Variants in FRY observed in about 807,000 individuals in gnomAD.
FRY encodes the protein protein furry homolog.
Under a neutral mutation model 348.4 loss-of-function variants are expected in FRY, and 128 were observed. The observed-to-expected ratio is 0.37, with a 90% CI of 0.32 to 0.43. The LOEUF is 0.43. Among genes scored for constraint, FRY ranks in the 20% least tolerant of loss-of-function variants. The pLI is 1.00. For synonymous variants in FRY, 1,370 were observed against 1,374.7 expected, an observed-to-expected ratio of 1.00 and a Z score of 0.08; for missense variants, 2,736 against 3,695.2, an observed-to-expected ratio of 0.74 and a Z score of 6.73.
rs538843507 is a variant in FRY, at chr13:32,052,734, G to A, written c.70+20869G>A. On this transcript the variant is annotated intron_variant, in intron 1 of 60. Coordinates refer to ENST00000542859, the MANE Select transcript of FRY (RefSeq NM_023037.3). ...AAAGTACTTTCATATATGCAGATTT[G>A]TCCAAACATACTTAAAACATTTCCA... 6.6e-5 allele frequency among the ~76,000 whole-genome samples: 10 copies of A among 152,246 alleles called. No individual in the cohort carries two copies. The South Asian group carries it at 1.0e-3, about 16-fold the overall frequency.
At chr13:32,192,470 G>A (rs1014282492) in intron 28 of FRY, among the ~76,000 whole-genome samples, 8 of 151,862 alleles carry the variant, frequency 5.3e-5, no homozygotes, top group Admixed American at 1.3e-4. Flanking sequence ...CCGCCACCAC[G>A]CCTGGCTAAT....
chr13:32,207,771 G>A (rs989150793), intron 31 of FRY, among the ~76,000 whole-genome samples: 1 of 152,180 alleles, frequency 6.6e-6, no homozygotes, highest in African/African-American at 2.4e-5. Context: ...TAAAGCTGCT[G>A]TTTCAGAAGA....
intron 55 of FRY, among the ~76,000 whole-genome samples, chr13:32,273,253 TC>T (rs1200296211): frequency 6.8e-6 from 1 of 146,924 alleles, no homozygotes; most frequent in Non-Finnish European, 1.5e-5. Context: ...AGACGGAGTC[TC>T]GCTGTCGCCC....
chr13:32,124,550 G>A (rs1460252409), intron 5 of FRY, 52 bp from the exon 6 acceptor site: 10 of 1,077,418 alleles, frequency 9.3e-6, no homozygotes, highest in Admixed American at 8.6e-5. Flanking sequence ...GTACTGTACC[G>A]ATTTGTTCTT....
rs757783685 is a variant in FRY at position 32,244,163 on chromosome 13, C to T, written c.6809C>T (p.Thr2270Ile). 6 of 1,613,762 alleles carry T rather than the reference C, an allele frequency of 3.7e-6. No homozygotes were observed. The highest frequency in any genetic ancestry group is 5.1e-6 in the Non-Finnish European group (6 of 1,179,744). ...CAGTTCAATGTGGAAGTTCTGAAGACAATTGAAAAATATGTGCAAGTGAGT... is the reference window on the plus strand; with the variant it reads ...CAGTTCAATGTGGAAGTTCTGAAGATAATTGAAAAATATGTGCAAGTGAGT... The part of the protein sequence containing the change: ...VKQFNVEVLK[T>I]IEKYVQSVHW... The change falls in exon 47 of 61, where the codon ACA (threonine) becomes ATA (isoleucine). Residue 2270 changes from threonine (T) to isoleucine (I), a missense_variant. Transcript: ENST00000542859.
chr13:32,254,029 A>G, intron 50 of FRY, 195 bp from the exon 51 acceptor site: 1 of 618,194 alleles, frequency 1.6e-6, no homozygotes, highest in South Asian at 1.9e-5. Context: ...TGGTGCATGA[A>G]CTTGCGTCTT....
intron 2 of FRY, among the ~76,000 whole-genome samples, chr13:32,097,400 G>C (rs1593608941): frequency 1.5e-5 from 2 of 131,604 alleles, no homozygotes; most frequent in Non-Finnish European, 3.1e-5. Context: ...CTTGCTCTGT[G>C]GCCCCAGGCT....
At chr13:32,047,069 A>C (rs1294189051) in intron 1 of FRY, among the ~76,000 whole-genome samples, 1 of 152,142 alleles carries the variant, frequency 6.6e-6, no homozygotes, top group Non-Finnish European at 1.5e-5. Context: ...AGAGAGAGAG[A>C]GCTACATAAT....
At chr13:32,253,116 A>G (rs1887166600) in intron 50 of FRY, among the ~76,000 whole-genome samples, 1 of 152,216 alleles carries the variant, frequency 6.6e-6, no homozygotes, top group South Asian at 2.1e-4. Flanking sequence ...CATTACAAAT[A>G]AGAGAAGCAG....
At chr13:32,232,931 A>G (rs1291949563) in intron 41 of FRY, among the ~76,000 whole-genome samples, 1 of 152,202 alleles carries the variant, frequency 6.6e-6, no homozygotes, top group Non-Finnish European at 1.5e-5. Flanking sequence ...AATCACATTT[A>G]TCATTTGCCA....
At position 32,265,437 on chromosome 13, in the gene FRY, T is replaced by C. The variant is rs949638566; in HGVS notation, c.7780-13T>C. Reference sequence around the variant, plus strand: ...ACACATTGGGGGATTCTTTTGTCTTTTTATTCTTCCAGGCTGAAGCTGTTC... The same window carrying C: ...ACACATTGGGGGATTCTTTTGTCTTCTTATTCTTCCAGGCTGAAGCTGTTC... On this transcript the variant is annotated splice_polypyrimidine_tract_variant and intron_variant, in intron 53 of 60. Coordinates refer to ENST00000542859, the MANE Select transcript of FRY (RefSeq NM_023037.3). The C allele has an allele frequency of 6.2e-7, 1 of 1,613,956 alleles. No homozygotes were observed. Among genetic ancestry groups the C allele is most frequent in the African/African-American group, 1.3e-5 (1 of 75,046 alleles).
At chr13:32,084,091 T>C (rs1875694598) in intron 2 of FRY, among the ~76,000 whole-genome samples, 1 of 152,180 alleles carries the variant, frequency 6.6e-6, no homozygotes, top group African/African-American at 2.4e-5. Context: ...CCGTGTGAGC[T>C]TTTGGGTTAT....
intron 3 of FRY, among the ~76,000 whole-genome samples, chr13:32,105,444 A>C (rs1877473718): frequency 6.6e-6 from 1 of 152,214 alleles, no homozygotes; most frequent in Admixed American, 6.5e-5. Flanking sequence ...AGCAGCACTA[A>C]AACAGTGCTC....
intron 15 of FRY, 147 bp from the exon 16 acceptor site, chr13:32,157,126 C>G: frequency 1.4e-6 from 1 of 705,234 alleles, no homozygotes; most frequent in Non-Finnish European, 2.5e-6. Flanking sequence ...AAAAGCTGTG[C>G]AGATGAGATT....
At position 32,169,185 on chromosome 13, in the gene FRY, C is replaced by G. The variant is rs76626039; in HGVS notation, c.1893-1827C>G. Reference sequence around the variant, plus strand: ...ACACTTCTATGCTTTGGGTCAGGCCCTCACCACTTGTTGCTTAAGTCATTG... The same window carrying G: ...ACACTTCTATGCTTTGGGTCAGGCCGTCACCACTTGTTGCTTAAGTCATTG... On this transcript the variant is annotated intron_variant, in intron 17 of 60. Transcript: ENST00000542859. Among the ~76,000 whole-genome samples the G allele has an allele frequency of 3.0e-3, 462 of 152,318 alleles. 4 individuals carry two copies. Among genetic ancestry groups the G allele is most frequent in the African/African-American group, 0.01 (429 of 41,570 alleles).
chr13:32,098,850 A>T (rs1258340185), intron 2 of FRY, among the ~76,000 whole-genome samples: 1 of 152,050 alleles, frequency 6.6e-6, no homozygotes, highest in Non-Finnish European at 1.5e-5. Flanking sequence ...AGAAAATGTT[A>T]CCCATAAGAA....
chr13:32,218,609 G>A (rs1051660114), intron 35 of FRY, 140 bp from the exon 36 acceptor site: 10 of 614,308 alleles, frequency 1.6e-5, no homozygotes, highest in Admixed American at 4.8e-5. Flanking sequence ...AACCTGGAAG[G>A]CGGAGATTGC....
chr13:32,112,444 A>C (rs538269442), intron 3 of FRY, among the ~76,000 whole-genome samples: 12 of 152,212 alleles, frequency 7.9e-5, no homozygotes, highest in Non-Finnish European at 1.6e-4. Context: ...TTATACAGCT[A>C]TAAGAGGCAG....
chr13:32,252,161 G>A (rs774723530), intron 50 of FRY, among the ~76,000 whole-genome samples: 2 of 151,982 alleles, frequency 1.3e-5, no homozygotes, highest in African/African-American at 2.4e-5. Context: ...CTTGCTGGCT[G>A]TTTGCTCGTT....
Sources: allele counts gnomAD v4.1 joint callset (sites outside exome capture counted in the v4.1 genomes callset), GRCh38; gene constraint gnomAD v4.1.1; transcripts MANE v1.5; gene names NCBI Gene and HGNC (gene_info 2026-07-23, HGNC 2026-07-21).